The following DENND4B variants were observed in gnomAD, a reference collection of about 807,000 sequenced individuals.
DENND4B encodes the protein DENN domain containing 4B.
Under a neutral mutation model 161.0 loss-of-function variants are expected in DENND4B, and 67 were observed. That is an observed-to-expected ratio of 0.42 (90% CI 0.34 to 0.51). The LOEUF (loss-of-function observed/expected upper bound fraction) is 0.51. Among genes scored for constraint, DENND4B ranks in the 20% least tolerant of loss-of-function variants. The pLI, the probability that DENND4B is intolerant of heterozygous loss-of-function variation, is 0.08. For synonymous variants in DENND4B, 753 were observed against 813.8 expected, an observed-to-expected ratio of 0.93 and a Z score of 1.27; for missense variants, 1,481 against 1,968.0, an observed-to-expected ratio of 0.75 and a Z score of 4.68.
Position 153,940,589 on chromosome 1 carries a change from G to A in DENND4B, c.1344C>T (p.His448=), listed in dbSNP as rs767201870. Residue 448 remains histidine, a synonymous_variant, in exon 10 of 28, where the codon CAC becomes CAT. Transcript: ENST00000361217. The surrounding 1 kb of genome is among the most constrained non-coding windows in gnomAD (Gnocchi z 5.6). ...EALVSMIFPL[H]WQCPYIPLCP... ...ACAGAGGAATGTAGGGGCACTGCCAGTGCAGTGGGAAGATCATCTGAAGCA... is the reference window on the plus strand; with the variant it reads ...ACAGAGGAATGTAGGGGCACTGCCAATGCAGTGGGAAGATCATCTGAAGCA... 5.0e-6 allele frequency: 8 copies of A among 1,612,878 alleles called. No homozygotes were observed. The South Asian group carries it at 5.5e-5, about 11-fold the overall frequency.
intron 17 of DENND4B, chr1:153,935,842 A>G (rs974991310): frequency 5.6e-6 from 3 of 538,902 alleles, no homozygotes; most frequent in Non-Finnish European, 1.0e-5. Flanking sequence ...TGACACTATT[A>G]GTTGTAGGCA....
chr1:153,934,755 C>T lies in DENND4B; in HGVS notation c.2773+5G>A. On this transcript the variant is annotated splice_donor_5th_base_variant and intron_variant, in intron 18 of 27. Transcript: ENST00000361217. The surrounding 1 kb of genome is among the most constrained non-coding windows in gnomAD (Gnocchi z 5.3). ...CCCAAGCCTGTCTCACCAGGCCCTACCCACCTGCCTGGGAGCTGCCTGCCT... is the reference window on the plus strand; with the variant it reads ...CCCAAGCCTGTCTCACCAGGCCCTATCCACCTGCCTGGGAGCTGCCTGCCT... The T allele has an allele frequency of 6.2e-7, 1 of 1,610,696 alleles. No individual in the cohort carries two copies. Among genetic ancestry groups the T allele is most frequent in the Non-Finnish European group, 8.5e-7 (1 of 1,179,064 alleles).
chr1:153,939,142 C>G, intron 12 of DENND4B, 97 bp from the exon 13 acceptor site: 1 of 1,451,720 alleles, frequency 6.9e-7, no homozygotes, highest in Non-Finnish European at 9.3e-7. Flanking sequence ...CCTGCCCACT[C>G]AGGCCCAAAG....
chr1:153,944,010 G>A lies in DENND4B; in HGVS notation c.317+48C>T. On this transcript the variant is annotated intron_variant, in intron 2 of 27. Coordinates refer to ENST00000361217, the MANE Select transcript of DENND4B (RefSeq NM_014856.3). This position sits in a 1 kb window ranked among gnomAD's most constrained non-coding sequence, Gnocchi z 4.8. ...AGTCCTACCTCTCCCTGTCTCACTG[G>A]AGTCCCTCCCAGCCTCCCCTGGTGC... The A allele has an allele frequency of 1.3e-6, 2 of 1,496,738 alleles. No individual in the cohort carries two copies. The highest frequency in any genetic ancestry group is 8.9e-7 in the Non-Finnish European group (1 of 1,121,604). The allele number at this position is 1,496,738 out of a possible 1,614,324, so 92.7% of individuals were successfully genotyped here. A position where few individuals can be genotyped will look rare whatever the true frequency, so the allele number is the denominator to read the frequency against.
chr1:153,943,066 T>C lies in DENND4B; in HGVS notation c.382A>G (p.Ser128Gly). The C allele has an allele frequency of 6.2e-6, 10 of 1,614,010 alleles. No individual in the cohort carries two copies. Among genetic ancestry groups the C allele is most frequent in the Non-Finnish European group, 7.6e-6 (9 of 1,179,880 alleles). The change falls in exon 3 of 28, where the codon AGC becomes GGC. Residue 128 changes from serine to glycine, a missense_variant. This residue lies in a region of DENND4B where 806 missense variants were observed against 1,134.4 expected (regional missense o/e 0.71). Transcript: ENST00000361217. Reference protein sequence around the residue: ...GFQVLDTTPYSHSANLAPPGP... With the variant: ...GFQVLDTTPYGHSANLAPPGP... ...GGAGGGGCCAGGTTTGCTGAGTGGC[T>C]GTAGGGTGTCGTGTCAAGCACTTGG...
chr1:153,932,443 A>G lies in DENND4B; in HGVS notation c.3760-3T>C, dbSNP rs781284722. The G allele has an allele frequency of 1.6e-5, 25 of 1,602,278 alleles. No individual in the cohort carries two copies. The African/African-American group carries it at 2.5e-4, about 16-fold the overall frequency. On this transcript the variant is annotated splice_polypyrimidine_tract_variant and splice_region_variant and intron_variant, in intron 23 of 27. Coordinates refer to ENST00000361217, the MANE Select transcript of DENND4B (RefSeq NM_014856.3). The surrounding 1 kb of genome is among the most constrained non-coding windows in gnomAD (Gnocchi z 5.8). ...CTCTCAACCCGCCGGGAGGCTCCCT[A>G]TCAGGCACAAAGGGGGAGGGCAGTA... is the stretch of plus-strand genomic sequence containing the variant.
intron 17 of DENND4B, chr1:153,935,354 TC>T (rs1427302184): frequency 5.4e-6 from 1 of 183,920 alleles, no homozygotes; most frequent in African/African-American, 2.4e-5. Flanking sequence ...TATTCTTTTT[TC>T]TTTTTTTTCG....
At chr1:153,946,878 T>C (rs573881725), upstream of DENND4B, among the ~76,000 whole-genome samples, 95 of 152,282 alleles carry the variant, frequency 6.2e-4, no homozygotes, top group Non-Finnish European at 1.1e-3. The surrounding 1 kb of genome is among the most constrained non-coding windows in gnomAD (Gnocchi z 6.3). Flanking sequence ...TGCAGTCAGA[T>C]GTGGCAAGCA....
chr1:153,936,280 CACAG>C lies in DENND4B; in HGVS notation c.2440-96_2440-93del. On this transcript the variant is annotated intron_variant, in intron 16 of 27. Coordinates refer to ENST00000361217, the MANE Select transcript of DENND4B (RefSeq NM_014856.3). This position sits in a 1 kb window ranked among gnomAD's most constrained non-coding sequence, Gnocchi z 4.1. ...ACCCTCTTCCTGCCTCCCCAATTCT[CACAG>C]ACATCACTGGCCCCTGGCAGGTCCT... 6.7e-7 allele frequency: 1 copy of C among 1,502,404 alleles called. No individual in the cohort carries two copies. The highest frequency in any genetic ancestry group is 2.5e-5 in the East Asian group (1 of 40,526). The allele number at this position is 1,502,404 out of a possible 1,614,324, so 93.1% of individuals were successfully genotyped here. A position where few individuals can be genotyped will look rare whatever the true frequency, so the allele number is the denominator to read the frequency against.
At position 153,936,037 on chromosome 1, in the gene DENND4B, A is replaced by G; in HGVS notation, c.2568+23T>C. 6.2e-7 allele frequency: 1 copy of G among 1,611,318 alleles called. No homozygotes were observed. The highest frequency in any genetic ancestry group is 8.5e-7 in the Non-Finnish European group (1 of 1,178,666). On this transcript the variant is annotated intron_variant, in intron 17 of 27. Coordinates refer to ENST00000361217, the MANE Select transcript of DENND4B (RefSeq NM_014856.3). The surrounding 1 kb of genome is among the most constrained non-coding windows in gnomAD (Gnocchi z 4.1). ...CACACCCTGGCACAGCTGCCATCCC[A>G]CCCCTCACCCCAAAGTAGGTACCTT...
chr1:153,942,063 T>C lies in DENND4B; in HGVS notation c.861A>G (p.Leu287=), dbSNP rs751171949. ...QFYEAFPRAR[L]SERQARALGL... ...CCAGTGCCCGTGCCTGTCGCTCTGA[T>C]AGCCTGGCCCTTGGGAACGCCTCGT... Residue 287 remains leucine (L), a synonymous_variant, in exon 6 of 28, where the codon CTA becomes CTG. Transcript: ENST00000361217. This position sits in a 1 kb window ranked among gnomAD's most constrained non-coding sequence, Gnocchi z 6.9. 1 of 1,612,294 alleles carries C rather than the reference T, an allele frequency of 6.2e-7. No individual in the cohort carries two copies. The highest frequency in any genetic ancestry group is 1.1e-5 in the South Asian group (1 of 90,898).
intron 8 of DENND4B, 81 bp from the exon 9 acceptor site, chr1:153,941,129 C>G: frequency 1.3e-6 from 2 of 1,569,194 alleles, no homozygotes; most frequent in South Asian, 1.2e-5. Flanking sequence ...CAGCCACCAC[C>G]TGGACCCAGC....
In DENND4B at chr1:153,937,764, G is replaced by T; in HGVS notation, c.2065C>A (p.Pro689Thr). The change falls in exon 14 of 28, where the codon CCT (proline) becomes ACT (threonine). Residue 689 changes from proline (P) to threonine (T), a missense_variant. By Grantham distance (38) the Pro-to-Thr change is conservative. Around this residue, in one of 3 missense-constraint regions of DENND4B, gnomAD observed 806 missense variants for 1,134.4 expected, o/e 0.71. Coordinates refer to ENST00000361217, the MANE Select transcript of DENND4B (RefSeq NM_014856.3). The surrounding 1 kb of genome is among the most constrained non-coding windows in gnomAD (Gnocchi z 4.7). Reference protein sequence around the residue: ...LTVFITPPEEPALPEGSESTP... With the variant: ...LTVFITPPEETALPEGSESTP... Reference sequence around the variant, plus strand: ...GATTCACTGCCCTCTGGTAAGGCAGGCTCCTCGGGAGGTGTGATAAAGACA... The same window carrying T: ...GATTCACTGCCCTCTGGTAAGGCAGTCTCCTCGGGAGGTGTGATAAAGACA... 1 of 1,614,028 alleles carries T rather than the reference G, an allele frequency of 6.2e-7. No individual in the cohort carries two copies. Among genetic ancestry groups the T allele is most frequent in the Non-Finnish European group, 8.5e-7 (1 of 1,179,906 alleles).
chr1:153,938,430 C>T (rs1269033922), intron 13 of DENND4B, among the ~76,000 whole-genome samples: 4 of 140,824 alleles, frequency 2.8e-5, no homozygotes, highest in East Asian at 2.1e-4. Flanking sequence ...AAGCCAGGCG[C>T]GGTGGCTAAC....
chr1:153,939,945 G>A (rs1571051706), intron 11 of DENND4B, 141 bp from the exon 12 acceptor site: 2 of 881,110 alleles, frequency 2.3e-6, no homozygotes, highest in African/African-American at 3.4e-5. Context: ...CAACTAACAG[G>A]TTCAAGCTTG....
chr1:153,932,720 A>C lies in DENND4B; in HGVS notation c.3681T>G (p.Gly1227=). ...GGTCACTGAGCACAGGGCCAGGACC[A>C]CCAGGGACAGGAGCATCTTTGCTGC... is the stretch of plus-strand genomic sequence containing the variant. The part of the protein sequence containing the change: ...ASGSKDAPVP[G]GPGPVLSDRR... Residue 1227 remains glycine, a synonymous_variant, in exon 23 of 28, where the codon GGT becomes GGG. Coordinates refer to ENST00000361217, the MANE Select transcript of DENND4B (RefSeq NM_014856.3). This position sits in a 1 kb window ranked among gnomAD's most constrained non-coding sequence, Gnocchi z 5.8. The C allele has an allele frequency of 6.2e-7, 1 of 1,614,058 alleles. No homozygotes were observed. The highest frequency in any genetic ancestry group is 8.5e-7 in the Non-Finnish European group (1 of 1,179,898).
intron 17 of DENND4B, 185 bp from the exon 18 acceptor site, chr1:153,935,149 A>C: frequency 8.1e-7 from 1 of 1,239,886 alleles, no homozygotes; most frequent in Non-Finnish European, 1.1e-6. Flanking sequence ...GCTGCCTCCC[A>C]AGGGGCCTAG....
At position 153,942,098 on chromosome 1, in the gene DENND4B, G is replaced by C. The variant is rs1419523666; in HGVS notation, c.826C>G (p.Leu276Val). 1 of 1,613,302 alleles carries C rather than the reference G, an allele frequency of 6.2e-7. No homozygotes were observed. Among genetic ancestry groups the C allele is most frequent in the African/African-American group, 1.3e-5 (1 of 74,906 alleles). ...CTTGGGAACGCCTCGTAGAACTGCA[G>C]GGCGGCACCATACACCTGGCAGGGG... ...AAGDKVYGAALQFYEAFPRAR... is the reference protein window; with the variant it reads ...AAGDKVYGAAVQFYEAFPRAR... Residue 276 changes from leucine (L) to valine (V), a missense_variant, in exon 6 of 28, where the codon CTG becomes GTG. Coordinates refer to ENST00000361217, the MANE Select transcript of DENND4B (RefSeq NM_014856.3). This position sits in a 1 kb window ranked among gnomAD's most constrained non-coding sequence, Gnocchi z 6.9.
At position 153,939,589 on chromosome 1, in the gene DENND4B, C is replaced by A. The variant is rs1679551739; in HGVS notation, c.1819G>T (p.Gly607Cys). 6.2e-7 allele frequency: 1 copy of A among 1,605,602 alleles called. No homozygotes were observed. Among genetic ancestry groups the A allele is most frequent in the Non-Finnish European group, 8.5e-7 (1 of 1,174,094 alleles). The change falls in exon 12 of 28, where the codon GGC (glycine) becomes TGC (cysteine). Residue 607 changes from glycine (G) to cysteine (C), a missense_variant and splice_region_variant. By Grantham distance (159) the Gly-to-Cys change is radical. This residue lies in a region of DENND4B where 806 missense variants were observed against 1,134.4 expected (regional missense o/e 0.71). Coordinates refer to ENST00000361217, the MANE Select transcript of DENND4B (RefSeq NM_014856.3). Reference sequence around the variant, plus strand: ...CCAAGCAGAGACAGGCCCTCTATACCCTGCAGGAAGAAAAGGTTGTCAACA... The same window carrying A: ...CCAAGCAGAGACAGGCCCTCTATACACTGCAGGAAGAAAAGGTTGTCAACA... Reference protein sequence around the residue: ...RDVDNLFFLQGFLKSRERSSH... With the variant: ...RDVDNLFFLQCFLKSRERSSH...
Sources: allele counts gnomAD v4.1 joint callset (sites outside exome capture counted in the v4.1 genomes callset), GRCh38; gene constraint gnomAD v4.1.1; regional missense constraint gnomAD v4.1.1; non-coding constraint Gnocchi (gnomAD v3.1); transcripts MANE v1.5; gene names NCBI Gene and HGNC (gene_info 2026-07-23, HGNC 2026-07-21).